TUSC3: variants seen among roughly 807,000 people sequenced by gnomAD.
TUSC3 encodes the protein dolichyl-diphosphooligosaccharide--protein glycosyltransferase subunit TUSC3.
Under a neutral mutation model 44.8 loss-of-function variants are expected in TUSC3, and 45 were observed. The ratio of observed to expected loss-of-function variants is 1.00; its 90% CI spans 0.79 to 1.29. The LOEUF (loss-of-function observed/expected upper bound fraction) is 1.29. Among genes scored for constraint, TUSC3 ranks in the 50% most tolerant of loss-of-function variants. TUSC3 has a pLI of 0.00. For missense variants in TUSC3, 519 were observed against 437.9 expected (o/e 1.19, Z -1.65); for synonymous variants, 212 against 152.9 (o/e 1.39, Z -2.85).
the TUSC3 span, among the ~76,000 whole-genome samples, chr8:15,794,218 C>T: frequency 6.6e-6 from 1 of 152,108 alleles, no homozygotes; most frequent in Non-Finnish European, 1.5e-5. Context: ...TCTTCTTGGT[C>T]GTTTTTTGAC....
intron 6 of TUSC3, among the ~76,000 whole-genome samples, chr8:15,715,731 G>A (rs903895720): frequency 3.3e-5 from 5 of 151,716 alleles, no homozygotes; most frequent in Non-Finnish European, 4.4e-5. Flanking sequence ...TTTTTCTAGC[G>A]GTGGTCTCTA....
chr8:15,492,991 A>G (rs980673808), intron 2 of TUSC3, among the ~76,000 whole-genome samples: 1 of 152,182 alleles, frequency 6.6e-6, no homozygotes, highest in Non-Finnish European at 1.5e-5. Context: ...CCCTGTCTCA[A>G]CAAATAAATA....
At chr8:15,811,840 G>C in the TUSC3 span, among the ~76,000 whole-genome samples, 1 of 152,022 alleles carries the variant, frequency 6.6e-6, no homozygotes, top group Non-Finnish European at 1.5e-5. Flanking sequence ...ATTTGTCTGA[G>C]TAGCAAAAGC....
intron 2 of TUSC3, among the ~76,000 whole-genome samples, chr8:15,648,683 G>A (rs369911215): frequency 1.6e-5 from 2 of 123,856 alleles, no homozygotes; most frequent in African/African-American, 6.2e-5. Flanking sequence ...CCGAGATCGC[G>A]CCGTTGCACT....
intron 1 of TUSC3, among the ~76,000 whole-genome samples, chr8:15,425,337 G>T (rs1408666115): frequency 6.6e-6 from 1 of 152,194 alleles, no homozygotes; most frequent in African/African-American, 2.4e-5. Context: ...CCTTAAGAAT[G>T]CTTTGGCAGA....
At chr8:15,456,037 C>G (rs1171534484) in intron 1 of TUSC3, among the ~76,000 whole-genome samples, 1 of 152,114 alleles carries the variant, frequency 6.6e-6, no homozygotes, top group African/African-American at 2.4e-5. Flanking sequence ...GTGGCCCTAC[C>G]CAGAATAATT....
At chr8:15,504,649 G>GTT (rs11434967) in intron 2 of TUSC3, among the ~76,000 whole-genome samples, 4 of 68,564 alleles carry the variant, frequency 5.8e-5, no homozygotes, top group East Asian at 4.4e-4. Flanking sequence ...TTTTAAGTGG[G>GTT]TTTTTTTTTG....
At chr8:15,421,416 C>T (rs1799736239) in intron 1 of TUSC3, among the ~76,000 whole-genome samples, 1 of 152,166 alleles carries the variant, frequency 6.6e-6, no homozygotes, top group African/African-American at 2.4e-5. Flanking sequence ...CTCCTTCAGA[C>T]ACCTTCATTT....
intron 1 of TUSC3, among the ~76,000 whole-genome samples, chr8:15,470,725 G>A (rs939913766): frequency 6.6e-6 from 1 of 152,146 alleles, no homozygotes; most frequent in Non-Finnish European, 1.5e-5. Flanking sequence ...CACTGTCTCA[G>A]TGGAGTTGGC....
chr8:15,469,124 A>G (rs141095507), intron 1 of TUSC3, among the ~76,000 whole-genome samples: 2 of 152,338 alleles, frequency 1.3e-5, no homozygotes, highest in South Asian at 4.1e-4. Context: ...AGCAATTTGA[A>G]CCACCAAAGC....
At chr8:15,840,386 T>A in the TUSC3 span, among the ~76,000 whole-genome samples, 1 of 151,688 alleles carries the variant, frequency 6.6e-6, no homozygotes, top group African/African-American at 2.4e-5. Context: ...TTTAAAAAAA[T>A]AAATCAATAA....
chr8:15,716,322 T>G (rs1410685096), intron 6 of TUSC3, among the ~76,000 whole-genome samples: 1 of 152,004 alleles, frequency 6.6e-6, no homozygotes, highest in Non-Finnish European at 1.5e-5. Context: ...AATACATATT[T>G]CTGATTAAGG....
At chr8:15,621,673 A>G (rs887431821) in intron 1 of TUSC3, among the ~76,000 whole-genome samples, 2 of 148,924 alleles carry the variant, frequency 1.3e-5, no homozygotes, top group Non-Finnish European at 3.0e-5. Flanking sequence ...ATATTTTTAT[A>G]TATAAATCTA....
intron 8 of TUSC3, among the ~76,000 whole-genome samples, chr8:15,746,297 C>T (rs1466923483): frequency 6.6e-6 from 1 of 152,036 alleles, no homozygotes; most frequent in Non-Finnish European, 1.5e-5. Flanking sequence ...ACTCCAGCTC[C>T]CAGCCACCCC....
chr8:15,758,220 T>C (rs1439610183), intron 10 of TUSC3: 26 of 1,012,422 alleles, frequency 2.6e-5, no homozygotes, highest in African/African-American at 3.4e-5. Flanking sequence ...TTTTTTCCCA[T>C]TAACAAATAA....
chr8:15,448,199 A>C (rs1345429620), intron 1 of TUSC3, among the ~76,000 whole-genome samples: 1 of 149,874 alleles, frequency 6.7e-6, no homozygotes, highest in Non-Finnish European at 1.5e-5. Flanking sequence ...GCTCACTGCA[A>C]CCTCTGCCTC....
intron 2 of TUSC3, among the ~76,000 whole-genome samples, chr8:15,525,151 A>G (rs1190929596): frequency 6.6e-6 from 1 of 152,048 alleles, no homozygotes; most frequent in Non-Finnish European, 1.5e-5. Context: ...CTTTTCCTAT[A>G]CTCCCTGCTG....
At chr8:15,495,003 T>C (rs113971034) in intron 2 of TUSC3, among the ~76,000 whole-genome samples, 2 of 152,280 alleles carry the variant, frequency 1.3e-5, no homozygotes, top group African/African-American at 4.8e-5. Context: ...GAACATGCAG[T>C]ATTTGGTTTG....
intron 1 of TUSC3, among the ~76,000 whole-genome samples, chr8:15,444,552 G>A (rs1800065918): frequency 6.6e-6 from 1 of 152,130 alleles, no homozygotes; most frequent in Non-Finnish European, 1.5e-5. Context: ...TGATCAGATA[G>A]GGAGAGTGGG....
Sources: allele counts gnomAD v4.1 joint callset (sites outside exome capture counted in the v4.1 genomes callset), GRCh38; gene constraint gnomAD v4.1.1; transcripts MANE v1.5; gene names NCBI Gene and HGNC (gene_info 2026-07-23, HGNC 2026-07-21).